ADAMTS9: variants seen among roughly 807,000 people sequenced by gnomAD.
ADAMTS9 encodes the protein ADAM metallopeptidase with thrombospondin type 1 motif 9.
ADAMTS9 carries 107 observed loss-of-function variants against 257.1 expected under a neutral mutation model. The observed-to-expected ratio is 0.42, with a 90% confidence interval of 0.36 to 0.49. The LOEUF (loss-of-function observed/expected upper bound fraction) is 0.49. ADAMTS9 is among the 20% of genes least tolerant of loss of function. ADAMTS9 has a pLI of 0.03. For missense variants in ADAMTS9, 2,353 were observed against 2,469.1 expected, an observed-to-expected ratio of 0.95 and a Z score of 1.00; for synonymous variants, 982 against 880.9, an observed-to-expected ratio of 1.11 and a Z score of -2.03.
In ADAMTS9 at chr3:64,561,662, G is replaced by T. The variant is rs773889358; in HGVS notation, c.4614C>A (p.Asn1538Lys). The T allele has an allele frequency of 6.2e-7, 1 of 1,614,096 alleles. No individual in the cohort carries two copies. The highest frequency in any genetic ancestry group is 2.2e-5 in the East Asian group (1 of 44,860). ...GTTCCGACTCCGGTCTGGTGTATGGGTTGCACTCGGTCTCTCTGGCTATTT... is the reference window on the plus strand; with the variant it reads ...GTTCCGACTCCGGTCTGGTGTATGGTTTGCACTCGGTCTCTCTGGCTATTT... ...THKIARETEC[N>K]PYTRPESERD... The change falls in exon 30 of 40, where the codon AAC (asparagine) becomes AAA (lysine). Residue 1538 changes from asparagine to lysine, a missense_variant. Around this residue, in one of 3 missense-constraint regions of ADAMTS9, gnomAD observed 1,402 missense variants for 1,441.4 expected, o/e 0.97. Coordinates refer to ENST00000498707, the MANE Select transcript of ADAMTS9 (RefSeq NM_182920.2).
intron 3 of ADAMTS9, among the ~76,000 whole-genome samples, chr3:64,661,443 A>C (rs1701220516): frequency 6.6e-6 from 1 of 152,154 alleles, no homozygotes; most frequent in Non-Finnish European, 1.5e-5. Context: ...TATCTTACTT[A>C]CTCCTTTCAA....
chr3:64,625,719 G>A (rs1390510102), intron 16 of ADAMTS9, among the ~76,000 whole-genome samples: 1 of 152,142 alleles, frequency 6.6e-6, no homozygotes, highest in East Asian at 1.9e-4. Context: ...TGGTGACACT[G>A]GGAAATGTCA....
intron 16 of ADAMTS9, among the ~76,000 whole-genome samples, chr3:64,625,253 T>C (rs1700198584): frequency 6.6e-6 from 1 of 152,100 alleles, no homozygotes; most frequent in Non-Finnish European, 1.5e-5. Context: ...GATACCTGTA[T>C]TGGTTGTGGA....
At chr3:64,635,665 C>T (rs894099797) in intron 12 of ADAMTS9, among the ~76,000 whole-genome samples, 1 of 152,208 alleles carries the variant, frequency 6.6e-6, no homozygotes, top group African/African-American at 2.4e-5. Context: ...ACACAGCTAA[C>T]AAAGGAGCAG....
chr3:64,553,986 G>C (rs374911281), intron 30 of ADAMTS9, among the ~76,000 whole-genome samples: 1 of 152,280 alleles, frequency 6.6e-6, no homozygotes, highest in East Asian at 1.9e-4. Context: ...GTGATGTGTA[G>C]ATATATGCAA....
At position 64,556,756 on chromosome 3, in the gene ADAMTS9, C is replaced by CCTT. The variant is rs1450917262; in HGVS notation, c.4698+4821_4698+4822insAAG. 3.6e-3 allele frequency among the ~76,000 whole-genome samples: 219 copies of CCTT among 60,380 alleles called. 5 individuals are homozygous for CCTT. The highest frequency in any genetic ancestry group is 0.012 in the Middle Eastern group (1 of 82). The allele number at this position is 60,380 out of a possible 152,430, so 39.6% of individuals were successfully genotyped here. A position where few individuals can be genotyped will look rare whatever the true frequency, so the allele number is the denominator to read the frequency against. ...TTCCTTCCTTCCTTCCTTCCTTCCT[C>CCTT]CCTCCCTTTCTTCCTTCCTCCTTCC... On this transcript the variant is annotated intron_variant, in intron 30 of 39. Coordinates refer to ENST00000498707, the MANE Select transcript of ADAMTS9 (RefSeq NM_182920.2).
chr3:64,652,413 C>T (rs1016331862), intron 8 of ADAMTS9, among the ~76,000 whole-genome samples: 2 of 152,240 alleles, frequency 1.3e-5, no homozygotes, highest in South Asian at 2.1e-4. Context: ...CTTAAAAGAA[C>T]GAATGCCTTG....
Position 64,658,525 on chromosome 3 carries a change from A to G in ADAMTS9, c.946T>C (p.Tyr316His). The change falls in exon 4 of 40, where the codon TAT becomes CAT. Residue 316 changes from tyrosine (Y) to histidine (H), a missense_variant. Physicochemically the swap from Tyr to His is moderately conservative, Grantham distance 83 (BLOSUM62 2). Transcript: ENST00000498707. Reference sequence around the variant, plus strand: ...ACAATTGACATTAAAGTTAAAATATAGTGTTGAAGGTTTTCTCCATGGTAT... The same window carrying G: ...ACAATTGACATTAAAGTTAAAATATGGTGTTGAAGGTTTTCTCCATGGTAT... ...VSYHGENLQH[Y>H]ILTLMSIVAS... 6.2e-7 allele frequency: 1 copy of G among 1,612,034 alleles called. No individual in the cohort carries two copies. Among genetic ancestry groups the G allele is most frequent in the Non-Finnish European group, 8.5e-7 (1 of 1,179,432 alleles).
chr3:64,562,093 A>G (rs935793381), intron 29 of ADAMTS9, among the ~76,000 whole-genome samples: 1 of 152,190 alleles, frequency 6.6e-6, no homozygotes, highest in African/African-American at 2.4e-5. Flanking sequence ...TGAAAACTTG[A>G]AATGATTTCT....
intron 39 of ADAMTS9, among the ~76,000 whole-genome samples, chr3:64,518,290 C>T (rs769960518): frequency 2.0e-5 from 3 of 152,132 alleles, no homozygotes; most frequent in African/African-American, 4.8e-5. Flanking sequence ...TCCTTAGCTC[C>T]TTGTAACAGA....
intron 20 of ADAMTS9, among the ~76,000 whole-genome samples, 181 bp from the exon 21 acceptor site, chr3:64,615,666 C>G (rs1474675307): frequency 6.6e-6 from 1 of 152,018 alleles, no homozygotes; most frequent in Non-Finnish European, 1.5e-5. Context: ...TAATTAAACT[C>G]AAAATTAGCT....
rs1288473088 is a variant in ADAMTS9, at chr3:64,517,025, C to T, written c.*102G>A. On this transcript the variant is annotated 3_prime_UTR_variant, in exon 40 of 40. Coordinates refer to ENST00000498707, the MANE Select transcript of ADAMTS9 (RefSeq NM_182920.2). ...TACACACACAAGCATACAAGTCACA[C>T]ACAAACACACACACACATACACATG... 6.6e-6 allele frequency: 1 copy of T among 152,454 alleles called. No individual in the cohort carries two copies. 9.4% of individuals were successfully genotyped at this position (152,454 alleles called of 1,614,324 possible). A position where few individuals can be genotyped will look rare whatever the true frequency, so the allele number is the denominator to read the frequency against.
intron 37 of ADAMTS9, among the ~76,000 whole-genome samples, chr3:64,538,613 G>A (rs570013849): frequency 6.6e-6 from 1 of 151,942 alleles, no homozygotes; most frequent in African/African-American, 2.4e-5. Flanking sequence ...TGTTTTTTCT[G>A]TCTAATCCAT....
At chr3:64,612,435 T>C (rs2106835587) in intron 22 of ADAMTS9, among the ~76,000 whole-genome samples, 1 of 152,300 alleles carries the variant, frequency 6.6e-6, no homozygotes, top group South Asian at 2.1e-4. Flanking sequence ...TGATTGGCAA[T>C]TTGGACTGTG....
At chr3:64,644,915 T>C (rs1399086085) in intron 11 of ADAMTS9, among the ~76,000 whole-genome samples, 1 of 152,192 alleles carries the variant, frequency 6.6e-6, no homozygotes, top group Non-Finnish European at 1.5e-5. Flanking sequence ...TAGTTGCTTT[T>C]TAAAAGAAAA....
At chr3:64,653,268 G>A (rs983484757) in intron 8 of ADAMTS9, among the ~76,000 whole-genome samples, 2 of 152,206 alleles carry the variant, frequency 1.3e-5, no homozygotes, top group Admixed American at 6.5e-5. Flanking sequence ...TCACAAAAGT[G>A]CCTCAGAAAC....
intron 36 of ADAMTS9, among the ~76,000 whole-genome samples, chr3:64,539,690 A>T (rs2083096139): frequency 6.6e-6 from 1 of 152,194 alleles, no homozygotes; most frequent in Non-Finnish European, 1.5e-5. Context: ...GCCAGGGGGA[A>T]ATAAGCCAGG....
At chr3:64,529,937 G>A (rs538472299) in intron 38 of ADAMTS9, among the ~76,000 whole-genome samples, 1 of 151,348 alleles carries the variant, frequency 6.6e-6, no homozygotes, top group African/African-American at 2.4e-5. Flanking sequence ...TCAGCCTCCT[G>A]AGTAGCTAAG....
intron 19 of ADAMTS9, among the ~76,000 whole-genome samples, chr3:64,617,692 A>G (rs1576122617): frequency 6.6e-6 from 1 of 152,210 alleles, no homozygotes; most frequent in South Asian, 2.1e-4. Context: ...AAATAATTTT[A>G]AGAACGACTG....
Sources: allele counts gnomAD v4.1 joint callset (sites outside exome capture counted in the v4.1 genomes callset), GRCh38; gene constraint gnomAD v4.1.1; regional missense constraint gnomAD v4.1.1; transcripts MANE v1.5; gene names NCBI Gene and HGNC (gene_info 2026-07-23, HGNC 2026-07-21).